The following CNTNAP5 variants were observed in gnomAD, a reference collection of about 807,000 sequenced individuals.
CNTNAP5 encodes the protein contactin-associated protein-like 5.
A neutral mutation model predicts 150.2 loss-of-function variants in CNTNAP5; 72 were observed. The observed-to-expected ratio is 0.48, with a 90% CI of 0.40 to 0.58. The LOEUF (loss-of-function observed/expected upper bound fraction) is 0.58. Among genes scored for constraint, CNTNAP5 ranks in the 20% least tolerant of loss-of-function variants. The probability of loss-of-function intolerance (pLI) is 0.00; values close to 1 mark genes in which losing one functional copy is unlikely to be tolerated. For synonymous variants in CNTNAP5, 672 were observed against 619.8 expected, an observed-to-expected ratio of 1.08 and a Z score of -1.25; for missense variants, 1,636 against 1,626.2, an observed-to-expected ratio of 1.01 and a Z score of -0.10.
rs989016249 is a variant in CNTNAP5, at chr2:124,918,406, T to TGA, written c.*4120_*4121dup. 2.0e-5 allele frequency among the ~76,000 whole-genome samples: 3 copies of TGA among 152,072 alleles called. No homozygotes were observed. Among genetic ancestry groups the TGA allele is most frequent in the African/African-American group, 7.2e-5 (3 of 41,438 alleles). The stretch of plus-strand genomic sequence containing the variant: ...ACTAAAAAAATGTTGTCCATTTATG[T>TGA]GAGGTCTCACCTCTGAGCCTGAGTG... On this transcript the variant is annotated 3_prime_UTR_variant, in exon 24 of 24. Coordinates refer to ENST00000682447, the MANE Select transcript of CNTNAP5 (RefSeq NM_001367498.1).
intron 1 of CNTNAP5, among the ~76,000 whole-genome samples, chr2:124,197,390 G>A (rs953399413): frequency 1.3e-5 from 2 of 152,148 alleles, no homozygotes; most frequent in Non-Finnish European, 2.9e-5. Flanking sequence ...TTATTTTCTT[G>A]AGTTCTGTTG....
chr2:124,864,947 G>C (rs182847523), intron 19 of CNTNAP5, among the ~76,000 whole-genome samples: 1 of 152,138 alleles, frequency 6.6e-6, no homozygotes, highest in Non-Finnish European at 1.5e-5. Context: ...AAGAAAGAGA[G>C]TTATAGGAAG....
At chr2:124,880,700 G>A (rs946120319) in intron 21 of CNTNAP5, among the ~76,000 whole-genome samples, 1 of 152,060 alleles carries the variant, frequency 6.6e-6, no homozygotes, top group African/African-American at 2.4e-5. Flanking sequence ...AAACTTTAAA[G>A]AAGTAAAGCC....
chr2:124,168,340 C>A (rs79407251), intron 1 of CNTNAP5, among the ~76,000 whole-genome samples: 2,046 of 152,214 alleles, frequency 0.013, 21 homozygotes, highest in Non-Finnish European at 0.021. Context: ...GAAGGTAAAG[C>A]TTTATCGTGC....
At chr2:124,720,667 G>A (rs907734185) in intron 13 of CNTNAP5, among the ~76,000 whole-genome samples, 2 of 152,190 alleles carry the variant, frequency 1.3e-5, no homozygotes, top group Non-Finnish European at 2.9e-5. Flanking sequence ...CTCTGAATGA[G>A]CCTTGCTGAG....
intron 17 of CNTNAP5, among the ~76,000 whole-genome samples, chr2:124,775,262 T>G (rs903338021): frequency 2.6e-5 from 4 of 152,122 alleles, no homozygotes; most frequent in Non-Finnish European, 5.9e-5. Flanking sequence ...AATAAATATA[T>G]AGATAAATAA....
intron 11 of CNTNAP5, among the ~76,000 whole-genome samples, chr2:124,579,164 C>T (rs1050642171): frequency 2.0e-5 from 3 of 152,170 alleles, no homozygotes; most frequent in Non-Finnish European, 4.4e-5. Flanking sequence ...ATAATGCTGC[C>T]AGGAGGTCTT....
At chr2:124,336,417 A>G (rs753245856) in intron 3 of CNTNAP5, among the ~76,000 whole-genome samples, 3 of 151,988 alleles carry the variant, frequency 2.0e-5, no homozygotes, top group Non-Finnish European at 4.4e-5. Context: ...GTACATGTGC[A>G]TAACGTGCAG....
intron 11 of CNTNAP5, among the ~76,000 whole-genome samples, chr2:124,590,528 C>T (rs1240982215): frequency 1.3e-5 from 2 of 152,136 alleles, no homozygotes; most frequent in African/African-American, 2.4e-5. Context: ...AAGGCAAAGT[C>T]CCTCAAACCT....
Position 124,025,476 on chromosome 2 carries a change from C to A in CNTNAP5, c.-175C>A. 1.6e-6 allele frequency: 1 copy of A among 617,500 alleles called. No individual in the cohort carries two copies. Among genetic ancestry groups the A allele is most frequent in the Non-Finnish European group, 2.9e-6 (1 of 343,484 alleles). The allele number at this position is 617,500 out of a possible 1,614,324, so 38.3% of individuals were successfully genotyped here. On this transcript the variant is annotated 5_prime_UTR_variant, in exon 1 of 24. Transcript: ENST00000682447. Reference sequence around the variant, plus strand: ...CCCAGCTGCAGCTCCGAAGAATCCCCCGCCACGGTTTCGGTGGAGCGTCTG... The same window carrying A: ...CCCAGCTGCAGCTCCGAAGAATCCCACGCCACGGTTTCGGTGGAGCGTCTG...
chr2:124,815,670 G>A (rs1682346132), intron 19 of CNTNAP5, among the ~76,000 whole-genome samples: 1 of 152,018 alleles, frequency 6.6e-6, no homozygotes, highest in Non-Finnish European at 1.5e-5. Context: ...GGAAATACAT[G>A]CTGAAAATAG....
At chr2:124,770,678 C>T (rs1281431480) in intron 16 of CNTNAP5, among the ~76,000 whole-genome samples, 1 of 152,152 alleles carries the variant, frequency 6.6e-6, no homozygotes, top group African/African-American at 2.4e-5. Flanking sequence ...CTTATTTAGT[C>T]TAACTGCTCA....
rs1696846268 is a variant in CNTNAP5, at chr2:124,597,109, G to T, written c.1757-12692G>T. Among the ~76,000 whole-genome samples the T allele has an allele frequency of 2.0e-5, 3 of 150,638 alleles. No individual in the cohort carries two copies. In the South Asian group the frequency reaches 6.5e-4, roughly 32 times the overall value. On this transcript the variant is annotated intron_variant, in intron 11 of 23. Coordinates refer to ENST00000682447, the MANE Select transcript of CNTNAP5 (RefSeq NM_001367498.1). Reference sequence around the variant, plus strand: ...GACTCTTTATCCAATTTGCCAGTCTGTGTCTTTTAATTGGAGCATTTAGTC... The same window carrying T: ...GACTCTTTATCCAATTTGCCAGTCTTTGTCTTTTAATTGGAGCATTTAGTC...
chr2:124,882,531 T>G (rs1425863054), intron 21 of CNTNAP5, among the ~76,000 whole-genome samples: 4 of 152,072 alleles, frequency 2.6e-5, no homozygotes, highest in Admixed American at 2.6e-4. Flanking sequence ...AGGTCCTGTT[T>G]CCCTACTGAT....
intron 3 of CNTNAP5, among the ~76,000 whole-genome samples, chr2:124,400,736 G>T (rs1437857282): frequency 6.8e-6 from 1 of 147,090 alleles, no homozygotes; most frequent in African/African-American, 2.5e-5. Flanking sequence ...TGCTAAGAGG[G>T]TATTTCAGTC....
chr2:124,450,811 A>C (rs2104810238), intron 6 of CNTNAP5, among the ~76,000 whole-genome samples: 1 of 151,510 alleles, frequency 6.6e-6, no homozygotes, highest in Non-Finnish European at 1.5e-5. Context: ...AGTGCTCAGT[A>C]ATCTTGTTTT....
At chr2:124,175,348 T>C (rs1476339602) in intron 1 of CNTNAP5, among the ~76,000 whole-genome samples, 1 of 152,228 alleles carries the variant, frequency 6.6e-6, no homozygotes, top group African/African-American at 2.4e-5. Context: ...TTTGATTGAA[T>C]TAATTAATTT....
intron 1 of CNTNAP5, among the ~76,000 whole-genome samples, chr2:124,154,408 G>C (rs139931338): frequency 6.6e-6 from 1 of 152,128 alleles, no homozygotes; most frequent in African/African-American, 2.4e-5. Flanking sequence ...GGGGTGAGGA[G>C]AGGTGGAATG....
chr2:124,116,873 C>T (rs940194385), intron 1 of CNTNAP5, among the ~76,000 whole-genome samples: 1 of 152,186 alleles, frequency 6.6e-6, no homozygotes, highest in South Asian at 2.1e-4. Context: ...CATCCCAATA[C>T]AGCTTACTGC....
Sources: gnomAD v4.1 joint callset for allele counts (sites outside exome capture counted in the v4.1 genomes callset) on GRCh38, gnomAD v4.1.1 for gene constraint, MANE v1.5 for transcripts, NCBI Gene and HGNC (gene_info 2026-07-23, HGNC 2026-07-21) for gene names.